SPEG: variants seen among roughly 807,000 people sequenced by gnomAD.
The protein encoded by SPEG is striated muscle enriched protein kinase.
In SPEG, 114 loss-of-function variants were observed where a neutral mutation model predicts 300.4. That is an observed-to-expected ratio of 0.38 (90% CI 0.33 to 0.44). SPEG has a LOEUF of 0.44. Among genes scored for constraint, SPEG ranks in the 20% least tolerant of loss-of-function variants. SPEG has a pLI of 1.00. For synonymous variants in SPEG, 1,964 were observed against 2,018.9 expected (o/e 0.97, Z 0.73); for missense variants, 4,201 against 4,586.2 (o/e 0.92, Z 2.43).
rs1575147332 is a variant in SPEG at position 219,477,134 on chromosome 2, T to G, written c.4561-143T>G. On this transcript the variant is annotated intron_variant, in intron 19 of 40. Coordinates refer to ENST00000312358, the MANE Select transcript of SPEG (RefSeq NM_005876.5). The surrounding 1 kb of genome is among the most constrained non-coding windows in gnomAD (Gnocchi z 6.4). ...TGCAGAGGACTGACTAGCTGAGGGG[T>G]GCAGGGCTTTCTGTGGGAGATAAGG... 6 of 979,390 alleles carry G rather than the reference T, an allele frequency of 6.1e-6. No individual in the cohort carries two copies. Among genetic ancestry groups the G allele is most frequent in the Non-Finnish European group, 8.9e-6 (6 of 671,898 alleles). 60.7% of individuals were successfully genotyped at this position (979,390 alleles called of 1,614,324 possible).
In SPEG at chr2:219,462,008, A is replaced by G. The variant is rs748598528; in HGVS notation, c.2567A>G (p.Gln856Arg). The G allele has an allele frequency of 2.5e-6, 4 of 1,609,686 alleles. No homozygotes were observed. The South Asian group carries it at 3.3e-5, about 13-fold the overall frequency. ...RTPTMKPSPS[Q>R]NRRSSDTGSK... ...CCCACCATGAAGCCCAGTCCCAGCC[A>G]GAACCGCCGTTCTTCTGACACTGGC... Residue 856 changes from glutamine to arginine, a missense_variant, in exon 7 of 41, where the codon CAG (glutamine) becomes CGG (arginine). Around this residue, in one of 4 missense-constraint regions of SPEG, gnomAD observed 1,258 missense variants for 1,293.9 expected, o/e 0.97. Coordinates refer to ENST00000312358, the MANE Select transcript of SPEG (RefSeq NM_005876.5).
chr2:219,455,231 C>T (rs1219169494), intron 6 of SPEG, among the ~76,000 whole-genome samples: 1 of 152,128 alleles, frequency 6.6e-6, no homozygotes, highest in East Asian at 1.9e-4. Flanking sequence ...ATTATTATGC[C>T]TATGTTACGA....
chr2:219,451,571 T>G lies in SPEG; in HGVS notation c.2258-54T>G. ...TGGTGTGTGGGGTAGGAGTAGAGAT[T>G]CTCAGTGGGCGCCTGTGGGCCGTGG... is the stretch of plus-strand genomic sequence containing the variant. On this transcript the variant is annotated intron_variant, in intron 5 of 40. Transcript: ENST00000312358. This position sits in a 1 kb window ranked among gnomAD's most constrained non-coding sequence, Gnocchi z 6.4. 6.9e-7 allele frequency: 1 copy of G among 1,442,724 alleles called. No homozygotes were observed. Among genetic ancestry groups the G allele is most frequent in the East Asian group, 2.5e-5 (1 of 39,856 alleles). The allele number at this position is 1,442,724 out of a possible 1,614,324, so 89.4% of individuals were successfully genotyped here.
rs1692719296 is a variant in SPEG at position 219,480,312 on chromosome 2, G to C, written c.5342+172G>C. On this transcript the variant is annotated intron_variant, in intron 25 of 40. Transcript: ENST00000312358. The surrounding 1 kb of genome is among the most constrained non-coding windows in gnomAD (Gnocchi z 5.3). The stretch of plus-strand genomic sequence containing the variant: ...GTTACTCCTTGCCCCTTGTGAGTCA[G>C]GGCTGCCCCATTCTCTCAAGGCCTC... Among the ~76,000 whole-genome samples the C allele has an allele frequency of 6.6e-6, 1 of 152,134 alleles. No individual in the cohort carries two copies. The highest frequency in any genetic ancestry group is 2.1e-4 in the South Asian group (1 of 4,828).
In SPEG at chr2:219,462,014, G is replaced by T. The variant is rs770384760; in HGVS notation, c.2573G>T (p.Arg858Leu). ...PTMKPSPSQNRRSSDTGSKAP... is the reference protein window; with the variant it reads ...PTMKPSPSQNLRSSDTGSKAP... ...ATGAAGCCCAGTCCCAGCCAGAACC[G>T]CCGTTCTTCTGACACTGGCTCCAAG... The change falls in exon 7 of 41, where the codon CGC becomes CTC. Residue 858 changes from arginine (R) to leucine (L), a missense_variant. Physicochemically the swap from Arg to Leu is moderately radical, Grantham distance 102. This residue lies in a region of SPEG where 1,258 missense variants were observed against 1,293.9 expected (regional missense o/e 0.97). Transcript: ENST00000312358. 9 of 1,611,552 alleles carry T rather than the reference G, an allele frequency of 5.6e-6. No homozygotes were observed. The highest frequency in any genetic ancestry group is 1.3e-5 in the African/African-American group (1 of 74,646).
In SPEG at chr2:219,444,147, C is replaced by T. The variant is rs975822517; in HGVS notation, c.389-506C>T. 2.0e-5 allele frequency: 20 copies of T among 1,003,466 alleles called. No individual in the cohort carries two copies. The South Asian group carries it at 2.3e-4, about 11-fold the overall frequency. The allele number at this position is 1,003,466 out of a possible 1,614,324, so 62.2% of individuals were successfully genotyped here. A position where few individuals can be genotyped will look rare whatever the true frequency, so the allele number is the denominator to read the frequency against. ...CTCCTCACCCTGCCTCAGCTGCACC[C>T]GATGCCTTGCAGCTGGTTTGGGGTA... is the stretch of plus-strand genomic sequence containing the variant. On this transcript the variant is annotated intron_variant, in intron 1 of 40. Transcript: ENST00000312358. This position sits in a 1 kb window ranked among gnomAD's most constrained non-coding sequence, Gnocchi z 7.8.
rs993441966 is a variant in SPEG, at chr2:219,444,477, G to C, written c.389-176G>C. Among the ~76,000 whole-genome samples, 1 of 152,142 alleles carries C rather than the reference G, an allele frequency of 6.6e-6. No homozygotes were observed. Among genetic ancestry groups the C allele is most frequent in the Admixed American group, 6.5e-5 (1 of 15,288 alleles). Reference sequence around the variant, plus strand: ...GAGCCAGGGCACTGGCATGGGAGGGGTTATCCTGAGCAGCCCAGGCTGGGC... The same window carrying C: ...GAGCCAGGGCACTGGCATGGGAGGGCTTATCCTGAGCAGCCCAGGCTGGGC... On this transcript the variant is annotated intron_variant, in intron 1 of 40. Coordinates refer to ENST00000312358, the MANE Select transcript of SPEG (RefSeq NM_005876.5). This position sits in a 1 kb window ranked among gnomAD's most constrained non-coding sequence, Gnocchi z 7.8.
chr2:219,492,174 G>A lies in SPEG; in HGVS notation c.9525G>A (p.Gly3175=), dbSNP rs538507737. ...DPQETEARIV[G]GRFDAFQLYP... ...AGGAAACGGAGGCTCGGATTGTGGG[G>A]GGCCGCTTTGATGCCTTCCAGCTGT... Residue 3175 remains glycine, a synonymous_variant, in exon 40 of 41, where the codon GGG becomes GGA. Transcript: ENST00000312358. 1.1e-5 allele frequency: 18 copies of A among 1,613,744 alleles called. No homozygotes were observed. The highest frequency in any genetic ancestry group is 1.1e-5 in the South Asian group (1 of 91,086).
In SPEG at chr2:219,473,252, C is replaced by G; in HGVS notation, c.4147+156C>G. 7.5e-6 allele frequency: 6 copies of G among 805,008 alleles called. No homozygotes were observed. Among genetic ancestry groups the G allele is most frequent in the Non-Finnish European group, 1.2e-5 (6 of 516,710 alleles). The allele number at this position is 805,008 out of a possible 1,614,324, so 49.9% of individuals were successfully genotyped here. A position where few individuals can be genotyped will look rare whatever the true frequency, so the allele number is the denominator to read the frequency against. On this transcript the variant is annotated intron_variant, in intron 16 of 40. Transcript: ENST00000312358. The surrounding 1 kb of genome is among the most constrained non-coding windows in gnomAD (Gnocchi z 4.6). ...GGCCCATCTGTACACTTCCTTCTCC[C>G]TCCTGAAAGCAGCAGGGCACGGTGG... is the stretch of plus-strand genomic sequence containing the variant.
Position 219,489,185 on chromosome 2 carries a change from A to G in SPEG, c.8281A>G (p.Asn2761Asp). ...CCGTGCTGGGCAGGGGCCCTTCAGC[A>G]ACTCTTCTGAGAAGGTCTTTGTCAG... ...ANRAGQGPFS[N>D]SSEKVFVRGT... is the part of the protein sequence containing the mutation. The change falls in exon 35 of 41, where the codon AAC becomes GAC. Residue 2761 changes from asparagine (N) to aspartate (D), a missense_variant. Asn to Asp is a conservative substitution (Grantham distance 23). Coordinates refer to ENST00000312358, the MANE Select transcript of SPEG (RefSeq NM_005876.5). The G allele has an allele frequency of 6.2e-7, 1 of 1,613,860 alleles. No homozygotes were observed. The highest frequency in any genetic ancestry group is 8.5e-7 in the Non-Finnish European group (1 of 1,179,938).
Position 219,478,040 on chromosome 2 carries a change from C to G in SPEG, c.4962C>G (p.His1654Gln), listed in dbSNP as rs1240155807. The G allele has an allele frequency of 6.2e-7, 1 of 1,614,220 alleles. No homozygotes were observed. Among genetic ancestry groups the G allele is most frequent in the East Asian group, 2.2e-5 (1 of 44,884 alleles). ...REARLLARLQ[H>Q]DCVLYFHEAF... ...CCCGGCTGCTGGCCAGGCTCCAGCA[C>G]GACTGTGTCCTCTACTTCCATGAGG... is the stretch of plus-strand genomic sequence containing the variant. The change falls in exon 22 of 41, where the codon CAC becomes CAG. Residue 1654 changes from histidine (H) to glutamine (Q), a missense_variant. His to Gln is a conservative substitution (Grantham distance 24). This residue lies in a region of SPEG where 1,047 missense variants were observed against 1,356.8 expected (regional missense o/e 0.77). Transcript: ENST00000312358.
In SPEG at chr2:219,489,608, A is replaced by T; in HGVS notation, c.8590A>T (p.Ser2864Cys). 6.2e-7 allele frequency: 1 copy of T among 1,613,590 alleles called. No individual in the cohort carries two copies. The highest frequency in any genetic ancestry group is 8.5e-7 in the Non-Finnish European group (1 of 1,179,938). The change falls in exon 36 of 41, where the codon AGT becomes TGT. Residue 2864 changes from serine (S) to cysteine (C), a missense_variant. Transcript: ENST00000312358. ...CCGGCCAGCGGAGCCCACCCTACCC[A>T]GTACCCACGTCACCCCAAGTGAGCC... Reference protein sequence around the residue: ...AARPAEPTLPSTHVTPSEPKP... With the variant: ...AARPAEPTLPCTHVTPSEPKP...
At chr2:219,489,990 C>A in intron 36 of SPEG, 51 bp downstream of exon 36, 1 of 1,515,696 alleles carries the variant, frequency 6.6e-7, no homozygotes, top group South Asian at 1.3e-5. Flanking sequence ...GGCCAAATGT[C>A]TGGAGCACAT....
At position 219,488,640 on chromosome 2, in the gene SPEG, C is replaced by T. The variant is rs779086962; in HGVS notation, c.8001C>T (p.Thr2667=). ...CSATNVLGSI[T]SSCTVAVARV... The stretch of plus-strand genomic sequence containing the variant: ...CCACCAACGTACTGGGCAGCATCAC[C>T]AGCTCCTGTACCGTGGCTGTGGCCC... Residue 2667 remains threonine, a synonymous_variant, in exon 33 of 41, where the codon ACC becomes ACT. Coordinates refer to ENST00000312358, the MANE Select transcript of SPEG (RefSeq NM_005876.5). The T allele has an allele frequency of 1.2e-6, 2 of 1,608,054 alleles. No homozygotes were observed. Among genetic ancestry groups the T allele is most frequent in the South Asian group, 1.1e-5 (1 of 90,424 alleles).
chr2:219,484,087 C>G lies in SPEG; in HGVS notation c.6624C>G (p.Pro2208=). 1 of 1,613,706 alleles carries G rather than the reference C, an allele frequency of 6.2e-7. No individual in the cohort carries two copies. ...TPSDAPQPPA[P]QPAQDKAPEP... Reference sequence around the variant, plus strand: ...GTGATGCTCCGCAGCCCCCCGCACCCCAGCCTGCCCAAGACAAGGCTCCAG... The same window carrying G: ...GTGATGCTCCGCAGCCCCCCGCACCGCAGCCTGCCCAAGACAAGGCTCCAG... The change falls in exon 30 of 41, where the codon CCC becomes CCG. Residue 2208 remains proline, a synonymous_variant. Coordinates refer to ENST00000312358, the MANE Select transcript of SPEG (RefSeq NM_005876.5).
rs1689201095 is a variant in SPEG, at chr2:219,445,326, C to T, written c.815+165C>T. Among the ~76,000 whole-genome samples, 1 of 152,154 alleles carries T rather than the reference C, an allele frequency of 6.6e-6. No homozygotes were observed. ...CCATCTTCCCACACTGCTCCCTCCTCCTCCTGAGCCATCACCGCCCACATC... is the reference window on the plus strand; with the variant it reads ...CCATCTTCCCACACTGCTCCCTCCTTCTCCTGAGCCATCACCGCCCACATC... On this transcript the variant is annotated intron_variant, in intron 3 of 40. Coordinates refer to ENST00000312358, the MANE Select transcript of SPEG (RefSeq NM_005876.5). The surrounding 1 kb of genome is among the most constrained non-coding windows in gnomAD (Gnocchi z 6.1).
chr2:219,473,416 A>C lies in SPEG; in HGVS notation c.4148-88A>C. On this transcript the variant is annotated intron_variant, in intron 16 of 40. Coordinates refer to ENST00000312358, the MANE Select transcript of SPEG (RefSeq NM_005876.5). This position sits in a 1 kb window ranked among gnomAD's most constrained non-coding sequence, Gnocchi z 4.6. ...TTTCCCATCTGTAAAAACGGAACTCAAGTGTTGATGAGGGGTGTTAGAGGA... is the reference window on the plus strand; with the variant it reads ...TTTCCCATCTGTAAAAACGGAACTCCAGTGTTGATGAGGGGTGTTAGAGGA... 1 of 1,307,374 alleles carries C rather than the reference A, an allele frequency of 7.6e-7. No homozygotes were observed. The highest frequency in any genetic ancestry group is 1.9e-5 in the Admixed American group (1 of 53,656). The allele number at this position is 1,307,374 out of a possible 1,614,324, so 81.0% of individuals were successfully genotyped here.
intron 13 of SPEG, among the ~76,000 whole-genome samples, chr2:219,470,386 G>A (rs918738373): frequency 2.2e-4 from 33 of 152,014 alleles, no homozygotes; most frequent in Admixed American, 4.6e-4. Flanking sequence ...ATGCCACCCC[G>A]GCTCCAACCC....
Position 219,484,433 on chromosome 2 carries a change from A to T in SPEG, c.6970A>T (p.Ile2324Phe). The T allele has an allele frequency of 6.2e-7, 1 of 1,611,450 alleles. No individual in the cohort carries two copies. Among genetic ancestry groups the T allele is most frequent in the Non-Finnish European group, 8.5e-7 (1 of 1,179,796 alleles). ...PRPGSSLSSS[I>F]ENLESEAVFE... is the part of the protein sequence containing the mutation. ...GCCAGGCAGCAGTCTCAGTAGCAGCATCGAAAACTTGGAGTCGGAGGCCGT... is the reference window on the plus strand; with the variant it reads ...GCCAGGCAGCAGTCTCAGTAGCAGCTTCGAAAACTTGGAGTCGGAGGCCGT... The change falls in exon 30 of 41, where the codon ATC (isoleucine) becomes TTC (phenylalanine). Residue 2324 changes from isoleucine to phenylalanine, a missense_variant. Physicochemically the swap from Ile to Phe is conservative, Grantham distance 21. Transcript: ENST00000312358.
Sources: gnomAD v4.1 joint callset for allele counts (sites outside exome capture counted in the v4.1 genomes callset) on GRCh38, gnomAD v4.1.1 for gene constraint, gnomAD v4.1.1 regional missense constraint, Gnocchi (gnomAD v3.1) non-coding constraint, MANE v1.5 for transcripts, NCBI Gene and HGNC (gene_info 2026-07-23, HGNC 2026-07-21) for gene names.